Variants in NRXN3 observed in about 807,000 individuals in gnomAD.
The protein encoded by NRXN3 is neurexin III.
In NRXN3, 32 loss-of-function variants were observed where a neutral mutation model predicts 137.6. That is an observed-to-expected ratio of 0.23 (90% CI 0.18 to 0.31). The LOEUF (loss-of-function observed/expected upper bound fraction) is 0.31, where lower values mean the gene tolerates loss of function less well. Among genes scored for constraint, NRXN3 ranks in the 10% least tolerant of loss-of-function variants. NRXN3 has a pLI of 1.00. For missense variants in NRXN3, 1,574 were observed against 2,062.5 expected, an observed-to-expected ratio of 0.76 and a Z score of 4.59; for synonymous variants, 798 against 784.5, an observed-to-expected ratio of 1.02 and a Z score of -0.29.
intron 4 of NRXN3, among the ~76,000 whole-genome samples, chr14:78,438,064 G>A (rs1178069301): frequency 6.6e-6 from 1 of 151,484 alleles, no homozygotes; most frequent in Non-Finnish European, 1.5e-5. Context: ...GAGTGGACAG[G>A]GAGGGAGGGA....
intron 8 of NRXN3, among the ~76,000 whole-genome samples, chr14:78,796,313 ACTCGGGTG>A (rs2098821604): frequency 6.6e-6 from 1 of 152,252 alleles, no homozygotes; most frequent in Admixed American, 6.5e-5. Context: ...TGGTAGTGTC[ACTCGGGTG>A]GAAGTGGGCC....
rs781119168 is a variant in NRXN3, at chr14:78,968,353, C to T, written c.3142+7C>T. 6 of 1,611,384 alleles carry T rather than the reference C, an allele frequency of 3.7e-6. No individual in the cohort carries two copies. The highest frequency in any genetic ancestry group is 5.1e-6 in the Non-Finnish European group (6 of 1,178,134). On this transcript the variant is annotated splice_region_variant and intron_variant, in intron 14 of 20. Coordinates refer to ENST00000335750, the MANE Select transcript of NRXN3 (RefSeq NM_001330195.2). ...ATCGAGCGTGGCTGTGAAGGTACAA[C>T]CTATTTTTTTCTTGTTAAGCTACAG...
At chr14:79,749,778 C>T (rs2098991435) in intron 19 of NRXN3, among the ~76,000 whole-genome samples, 1 of 105,858 alleles carries the variant, frequency 9.4e-6, no homozygotes, top group African/African-American at 3.7e-5. Flanking sequence ...ATGCACCAAA[C>T]ATTTTTTTTT....
intron 4 of NRXN3, among the ~76,000 whole-genome samples, chr14:78,324,008 G>T (rs1304448690): frequency 6.6e-6 from 1 of 152,034 alleles, no homozygotes; most frequent in Non-Finnish European, 1.5e-5. Flanking sequence ...TATGAGCTGG[G>T]TGTATAGCAA....
chr14:79,627,101 G>C (rs2098290564), intron 16 of NRXN3, among the ~76,000 whole-genome samples: 2 of 152,142 alleles, frequency 1.3e-5, no homozygotes. Flanking sequence ...AAGTGTTTTA[G>C]TTTTTCAGAT....
chr14:78,684,743 A>G (rs1218524264), intron 6 of NRXN3, among the ~76,000 whole-genome samples: 2 of 152,188 alleles, frequency 1.3e-5, no homozygotes, highest in African/African-American at 4.8e-5. Flanking sequence ...GCAGTGACCC[A>G]TGATTGTATC....
chr14:78,983,396 G>T (rs753862874), intron 14 of NRXN3, among the ~76,000 whole-genome samples: 2 of 152,100 alleles, frequency 1.3e-5, no homozygotes, highest in Non-Finnish European at 2.9e-5. Context: ...AAGAAACCTG[G>T]GTGTTCATCC....
intron 10 of NRXN3, among the ~76,000 whole-genome samples, chr14:78,916,827 T>A (rs113507924): frequency 0.018 from 2,735 of 152,288 alleles, 53 homozygotes; most frequent in Non-Finnish European, 0.026. Context: ...AGGTCCTGGC[T>A]GAGTTGGTGC....
rs947806463 is a variant in NRXN3 at position 78,983,873 on chromosome 14, G to GA, written c.3143-4140dup. 8.4e-5 allele frequency among the ~76,000 whole-genome samples: 11 copies of GA among 130,686 alleles called. No homozygotes were observed. In the East Asian group the frequency reaches 8.4e-4, roughly 10 times the overall value. 85.7% of individuals were successfully genotyped at this position (130,686 alleles called of 152,430 possible). On this transcript the variant is annotated intron_variant, in intron 14 of 20. Transcript: ENST00000335750. The stretch of plus-strand genomic sequence containing the variant: ...TCCATTTAAAAAAAAAAAAAAAAAA[G>GA]AAAAAAAAAGAAAAAAAGGCTGGAA...
At chr14:78,419,961 G>GCGCACACA (rs1555518606) in intron 4 of NRXN3, among the ~76,000 whole-genome samples, 8 of 49,242 alleles carry the variant, frequency 1.6e-4, no homozygotes, top group African/African-American at 3.6e-4. Flanking sequence ...GCGCGCGCAC[G>GCGCACACA]CACACACACA....
intron 16 of NRXN3, among the ~76,000 whole-genome samples, chr14:79,618,645 G>T (rs577192351): frequency 2.0e-5 from 3 of 152,048 alleles, no homozygotes; most frequent in Non-Finnish European, 4.4e-5. Flanking sequence ...TGTGAATAGT[G>T]CTGCAGTGAA....
chr14:78,867,642 G>T (rs535159979), intron 10 of NRXN3, among the ~76,000 whole-genome samples: 12 of 152,110 alleles, frequency 7.9e-5, no homozygotes, highest in African/African-American at 2.7e-4. Context: ...TATCAGAGGC[G>T]TTCTTCCTGT....
chr14:79,578,720 A>G (rs141669918), intron 16 of NRXN3, among the ~76,000 whole-genome samples: 473 of 152,308 alleles, frequency 3.1e-3, no homozygotes, highest in Non-Finnish European at 5.8e-3. Flanking sequence ...CACCAAACCT[A>G]TAATTTCCAA....
chr14:79,365,990 AG>A (rs923063933), intron 15 of NRXN3, among the ~76,000 whole-genome samples: 30 of 152,202 alleles, frequency 2.0e-4, no homozygotes, highest in African/African-American at 5.3e-4. Flanking sequence ...GTACTATGCT[AG>A]GGCATGATGA....
chr14:78,390,180 T>C (rs1379491389), intron 4 of NRXN3, among the ~76,000 whole-genome samples: 1 of 152,200 alleles, frequency 6.6e-6, no homozygotes, highest in Non-Finnish European at 1.5e-5. Flanking sequence ...ATTTTAAAAC[T>C]GTAAGTGCTT....
chr14:78,986,315 G>C (rs1598251808), intron 14 of NRXN3, among the ~76,000 whole-genome samples: 1 of 152,220 alleles, frequency 6.6e-6, no homozygotes, highest in East Asian at 1.9e-4. Context: ...GAAATTCATG[G>C]AGTTATACTG....
chr14:78,802,539 TA>T (rs879815829), intron 8 of NRXN3, among the ~76,000 whole-genome samples: 2 of 152,114 alleles, frequency 1.3e-5, no homozygotes, highest in African/African-American at 2.4e-5. Flanking sequence ...ATAATAATAA[TA>T]AAAAAAGTCT....
At chr14:78,386,173 C>T (rs2089955347) in intron 4 of NRXN3, among the ~76,000 whole-genome samples, 1 of 152,040 alleles carries the variant, frequency 6.6e-6, no homozygotes, top group Non-Finnish European at 1.5e-5. Flanking sequence ...CCAGACAGAT[C>T]TATATTCAGT....
chr14:78,532,496 A>C (rs1398768948), intron 4 of NRXN3, among the ~76,000 whole-genome samples: 1 of 146,968 alleles, frequency 6.8e-6, no homozygotes, highest in Non-Finnish European at 1.5e-5. Flanking sequence ...TTTAGAGATG[A>C]CTTCTCTCAT....
Sources: allele counts gnomAD v4.1 joint callset (sites outside exome capture counted in the v4.1 genomes callset), GRCh38; gene constraint gnomAD v4.1.1; transcripts MANE v1.5; gene names NCBI Gene and HGNC (gene_info 2026-07-23, HGNC 2026-07-21).